SH2B3: variants seen among roughly 807,000 people sequenced by gnomAD.
The protein encoded by SH2B3 is SH2B adapter protein 3.
In SH2B3, 43 loss-of-function variants were observed where a neutral mutation model predicts 51.9. That is an observed-to-expected ratio of 0.83 (90% confidence interval 0.65 to 1.07). The LOEUF is 1.07. Among genes scored for constraint, SH2B3 ranks in the 50% least tolerant of loss-of-function variants. SH2B3 has a pLI of 0.00. For synonymous variants in SH2B3, 396 were observed against 376.0 expected, an observed-to-expected ratio of 1.05 and a Z score of -0.62; for missense variants, 952 against 834.3, an observed-to-expected ratio of 1.14 and a Z score of -1.74.
Position 111,448,493 on chromosome 12 carries a change from C to T in SH2B3, c.*191C>T, listed in dbSNP as rs1407383968. On this transcript the variant is annotated 3_prime_UTR_variant, in exon 8 of 8. Transcript: ENST00000341259. ...GGCCCTCCTGTAGGTTTCATCTATC[C>T]ACCTGGCTTTCTCCTTATTGTTTAC... The T allele has an allele frequency of 3.4e-6, 2 of 592,600 alleles. No homozygotes were observed. The highest frequency in any genetic ancestry group is 6.0e-6 in the Non-Finnish European group (2 of 334,060). The allele number at this position is 592,600 out of a possible 1,614,324, so 36.7% of individuals were successfully genotyped here.
intron 2 of SH2B3, among the ~76,000 whole-genome samples, chr12:111,430,300 G>A (rs751504086): frequency 4.5e-4 from 69 of 152,182 alleles, no homozygotes; most frequent in African/African-American, 1.6e-3. Flanking sequence ...GTGCTTTGCC[G>A]CTTAGAAGAA....
chr12:111,444,758 C>G, intron 2 of SH2B3: 1 of 985,534 alleles, frequency 1.0e-6, no homozygotes, highest in African/African-American at 1.7e-5. Context: ...CCTGAGCTGT[C>G]CAGGCTGAGG....
intron 1 of SH2B3, among the ~76,000 whole-genome samples, chr12:111,411,952 C>T (rs1312593307): frequency 1.3e-5 from 2 of 152,172 alleles, no homozygotes; most frequent in Non-Finnish European, 2.9e-5. Flanking sequence ...TGAGGGGGGT[C>T]TCCTGGGTGC....
chr12:111,441,424 G>A (rs1002354117), intron 2 of SH2B3, among the ~76,000 whole-genome samples: 4 of 151,902 alleles, frequency 2.6e-5, no homozygotes, highest in Non-Finnish European at 5.9e-5. Context: ...CTATGGAAGA[G>A]AAGGCAGAGT....
At chr12:111,428,548 C>T (rs938609141) in intron 2 of SH2B3, among the ~76,000 whole-genome samples, 2 of 152,152 alleles carry the variant, frequency 1.3e-5, no homozygotes, top group African/African-American at 2.4e-5. Flanking sequence ...CAGCCTCGGG[C>T]CCACCCTTCT....
At chr12:111,434,751 G>T (rs1353250221) in intron 2 of SH2B3, 6 of 1,424,574 alleles carry the variant, frequency 4.2e-6, no homozygotes, top group Non-Finnish European at 5.5e-6. Context: ...AATCCAGCTG[G>T]CTTTTGTTAT....
rs926482943 is a variant in SH2B3 at position 111,429,722 on chromosome 12, T to C, written c.732+10845T>C. On this transcript the variant is annotated intron_variant, in intron 2 of 7. Coordinates refer to ENST00000341259, the MANE Select transcript of SH2B3 (RefSeq NM_005475.3). The surrounding 1 kb of genome is among the most constrained non-coding windows in gnomAD (Gnocchi z 4.4). ...TCACAAACCCCGGAGGTGGGGACAG[T>C]GATGAAGCCATTTCACAGCCAAGAA... Among the ~76,000 whole-genome samples, 1 of 151,992 alleles carries C rather than the reference T, an allele frequency of 6.6e-6. No individual in the cohort carries two copies. Among genetic ancestry groups the C allele is most frequent in the Admixed American group, 6.6e-5 (1 of 15,258 alleles).
intron 2 of SH2B3, among the ~76,000 whole-genome samples, chr12:111,436,170 G>A (rs539691363): frequency 2.0e-5 from 3 of 152,232 alleles, no homozygotes; most frequent in African/African-American, 4.8e-5. Flanking sequence ...TGAGAGCCCA[G>A]CGGTTTGGCC....
chr12:111,430,312 C>A (rs1434382442), intron 2 of SH2B3, among the ~76,000 whole-genome samples: 1 of 152,172 alleles, frequency 6.6e-6, no homozygotes, highest in Non-Finnish European at 1.5e-5. Context: ...TTAGAAGAAA[C>A]CCCCGACCGC....
intron 2 of SH2B3, among the ~76,000 whole-genome samples, chr12:111,442,379 C>T (rs966870948): frequency 6.6e-6 from 1 of 152,190 alleles, no homozygotes; most frequent in Non-Finnish European, 1.5e-5. Flanking sequence ...AGAGCTAGGC[C>T]CAGGCTGCCA....
intron 1 of SH2B3, among the ~76,000 whole-genome samples, 199 bp from the exon 2 acceptor site, chr12:111,417,920 A>G (rs980573178): frequency 2.0e-5 from 3 of 152,222 alleles, no homozygotes; most frequent in African/African-American, 7.2e-5. Context: ...TCCAGAGTCT[A>G]GAATCAATTC....
intron 2 of SH2B3, among the ~76,000 whole-genome samples, chr12:111,430,202 T>G (rs1005177819): frequency 3.9e-5 from 6 of 152,172 alleles, no homozygotes; most frequent in Non-Finnish European, 8.8e-5. Context: ...CGGAGGGGGT[T>G]GGGCAGGGCT....
chr12:111,441,532 T>C (rs1187011182), intron 2 of SH2B3, among the ~76,000 whole-genome samples: 6 of 152,114 alleles, frequency 3.9e-5, no homozygotes, highest in African/African-American at 1.4e-4. Context: ...GGATACTGGA[T>C]GGCTTTTAGC....
In SH2B3 at chr12:111,438,495, G is replaced by C. The variant is rs1329458147; in HGVS notation, c.733-8258G>C. 6.6e-6 allele frequency among the ~76,000 whole-genome samples: 1 copy of C among 152,176 alleles called. No individual in the cohort carries two copies. The highest frequency in any genetic ancestry group is 1.5e-5 in the Non-Finnish European group (1 of 68,016). On this transcript the variant is annotated intron_variant, in intron 2 of 7. Coordinates refer to ENST00000341259, the MANE Select transcript of SH2B3 (RefSeq NM_005475.3). This position sits in a 1 kb window ranked among gnomAD's most constrained non-coding sequence, Gnocchi z 4.2. ...TCACTCATGGTCTTCACTGGGGTGGGGGATGGCAGTAGGGGCAATCATCCC... is the reference window on the plus strand; with the variant it reads ...TCACTCATGGTCTTCACTGGGGTGGCGGATGGCAGTAGGGGCAATCATCCC...
rs890353674 is a variant in SH2B3, at chr12:111,438,183, G to A, written c.733-8570G>A. 5.5e-4 allele frequency among the ~76,000 whole-genome samples: 83 copies of A among 152,146 alleles called. No homozygotes were observed. The highest frequency in any genetic ancestry group is 2.0e-3 in the African/African-American group (82 of 41,426). On this transcript the variant is annotated intron_variant, in intron 2 of 7. Transcript: ENST00000341259. This position sits in a 1 kb window ranked among gnomAD's most constrained non-coding sequence, Gnocchi z 4.2. ...GGCTGGGTGGCAGGGGAAGGTGTGG[G>A]CGGGAAGGCGGCTGGAGGGAGACCA...
chr12:111,418,285 T>G lies in SH2B3; in HGVS notation c.140T>G (p.Leu47Arg). Reference protein sequence around the residue: ...AARELARQYWLFAREHPQHAP... With the variant: ...AARELARQYWRFAREHPQHAP... ...CGGGAGCTGGCCCGCCAGTACTGGC[T>G]GTTCGCCCGGGAGCATCCGCAGCAC... is the stretch of plus-strand genomic sequence containing the variant. Residue 47 changes from leucine (L) to arginine (R), a missense_variant, in exon 2 of 8, where the codon CTG becomes CGG. Transcript: ENST00000341259. This position sits in a 1 kb window ranked among gnomAD's most constrained non-coding sequence, Gnocchi z 6.7. 1 of 1,538,272 alleles carries G rather than the reference T, an allele frequency of 6.5e-7. No homozygotes were observed. Among genetic ancestry groups the G allele is most frequent in the Non-Finnish European group, 8.7e-7 (1 of 1,149,120 alleles).
At chr12:111,408,920 C>T (rs144622137) in intron 1 of SH2B3, among the ~76,000 whole-genome samples, 10 of 152,270 alleles carry the variant, frequency 6.6e-5, no homozygotes, top group East Asian at 3.9e-4. Flanking sequence ...AGGCACTGAG[C>T]GCTGAGCCTG....
chr12:111,414,797 G>T lies in SH2B3; in HGVS notation c.-27-3322G>T, dbSNP rs1489367384. On this transcript the variant is annotated intron_variant, in intron 1 of 7. Coordinates refer to ENST00000341259, the MANE Select transcript of SH2B3 (RefSeq NM_005475.3). The stretch of plus-strand genomic sequence containing the variant: ...ATGCAGAGACGGTGCCTGTGGAGGG[G>T]TGTGTGGCAGAGAGAACCCCATTTG... 4.6e-5 allele frequency among the ~76,000 whole-genome samples: 7 copies of T among 152,286 alleles called. 1 individual carries two copies. The South Asian group carries it at 1.4e-3, about 32-fold the overall frequency.
chr12:111,446,951 C>G lies in SH2B3; in HGVS notation c.844C>G (p.Arg282Gly), dbSNP rs772497470. The G allele has an allele frequency of 2.5e-6, 4 of 1,613,896 alleles. No homozygotes were observed. Among genetic ancestry groups the G allele is most frequent in the African/African-American group, 2.7e-5 (2 of 74,998 alleles). ...CCTTCCTCCCTGCCAGGTGAAGGACCGGACAGACATCATCTTTGAGGTGGG... is the reference window on the plus strand; with the variant it reads ...CCTTCCTCCCTGCCAGGTGAAGGACGGGACAGACATCATCTTTGAGGTGGG... ...LYTFVLKVKD[R>G]TDIIFEVGDE... The change falls in exon 4 of 8, where the codon CGG (arginine) becomes GGG (glycine). Residue 282 changes from arginine to glycine, a missense_variant. Physicochemically the swap from Arg to Gly is moderately radical, Grantham distance 125. Transcript: ENST00000341259.
Sources: gnomAD v4.1 joint callset for allele counts (sites outside exome capture counted in the v4.1 genomes callset) on GRCh38, gnomAD v4.1.1 for gene constraint, Gnocchi (gnomAD v3.1) non-coding constraint, MANE v1.5 for transcripts, NCBI Gene and HGNC (gene_info 2026-07-23, HGNC 2026-07-21) for gene names.